The following MYRIP variants were observed in gnomAD, a reference collection of about 807,000 sequenced individuals.
MYRIP encodes the protein rab effector MyRIP.
In MYRIP, 49 loss-of-function variants were observed where a neutral mutation model predicts 98.0. That is an observed-to-expected ratio of 0.50 (90% CI 0.40 to 0.63). The LOEUF (loss-of-function observed/expected upper bound fraction) is 0.63, where lower values mean the gene tolerates loss of function less well. Ranked by LOEUF, MYRIP falls within the 30% of genes least tolerant of loss-of-function variation. MYRIP has a pLI of 0.00. For missense variants in MYRIP, 1,004 were observed against 1,058.2 expected (o/e 0.95, Z 0.71); for synonymous variants, 404 against 409.5 (o/e 0.99, Z 0.16).
chr3:40,030,266 G>A (rs1215768000), intron 2 of MYRIP, among the ~76,000 whole-genome samples: 2 of 152,070 alleles, frequency 1.3e-5, no homozygotes, highest in Non-Finnish European at 2.9e-5. Context: ...AGTCATTAGG[G>A]AAGTGCAAGT....
chr3:39,939,869 G>A (rs541600449), intron 2 of MYRIP, among the ~76,000 whole-genome samples: 1 of 152,248 alleles, frequency 6.6e-6, no homozygotes, highest in East Asian at 1.9e-4. Flanking sequence ...ATCTGTTCCA[G>A]AAGTAGAATT....
At chr3:40,230,026 G>A (rs1952605256) in intron 11 of MYRIP, among the ~76,000 whole-genome samples, 1 of 152,186 alleles carries the variant, frequency 6.6e-6, no homozygotes, top group South Asian at 2.1e-4. Flanking sequence ...AGAAGGTTGT[G>A]TTACATGGGT....
intron 3 of MYRIP, among the ~76,000 whole-genome samples, chr3:40,074,940 C>G (rs976313942): frequency 1.3e-5 from 2 of 152,150 alleles, no homozygotes; most frequent in East Asian, 3.9e-4. Flanking sequence ...ATTCAAAGAG[C>G]TAGTTTCCTC....
intron 7 of MYRIP, 62 bp from the exon 8 acceptor site, chr3:40,169,888 C>A (rs1469686208): frequency 6.2e-7 from 1 of 1,606,056 alleles, no homozygotes; most frequent in Non-Finnish European, 8.5e-7. Flanking sequence ...GTCCCAGTTA[C>A]TCCACATAGC....
chr3:39,884,806 A>AT (rs10662369), intron 1 of MYRIP, among the ~76,000 whole-genome samples: 43,083 of 136,940 alleles, frequency 0.31, 6,659 homozygotes, highest in Middle Eastern at 0.49. Flanking sequence ...TACAGTCATT[A>AT]TTATTTTTTT....
intron 1 of MYRIP, among the ~76,000 whole-genome samples, chr3:39,811,680 T>C (rs1282230132): frequency 6.6e-6 from 1 of 151,396 alleles, no homozygotes; most frequent in Non-Finnish European, 1.5e-5. Flanking sequence ...TGTGTGTGTG[T>C]GTTGTCTCTG....
At chr3:39,985,329 C>G (rs1430798158) in intron 2 of MYRIP, among the ~76,000 whole-genome samples, 1 of 131,676 alleles carries the variant, frequency 7.6e-6, no homozygotes, top group Non-Finnish European at 1.6e-5. Flanking sequence ...AATGGAAGAA[C>G]ATTCCATGCT....
intron 2 of MYRIP, among the ~76,000 whole-genome samples, chr3:39,904,185 C>T (rs1943819517): frequency 6.6e-6 from 1 of 152,056 alleles, no homozygotes; most frequent in African/African-American, 2.4e-5. Flanking sequence ...AGATCTTTTC[C>T]AAATTCTGCT....
intron 3 of MYRIP, among the ~76,000 whole-genome samples, chr3:40,091,297 A>G (rs1344315440): frequency 7.4e-6 from 1 of 134,454 alleles, no homozygotes; most frequent in Non-Finnish European, 1.6e-5. Flanking sequence ...TCACCTTAGT[A>G]AAACCTTTCC....
chr3:40,185,304 AT>A (rs1480111118), intron 9 of MYRIP, among the ~76,000 whole-genome samples: 1 of 152,106 alleles, frequency 6.6e-6, no homozygotes, highest in Non-Finnish European at 1.5e-5. Flanking sequence ...CCCCAAATGC[AT>A]TTTCACTTTA....
chr3:40,101,188 C>G (rs969908648), intron 3 of MYRIP, among the ~76,000 whole-genome samples: 7 of 152,152 alleles, frequency 4.6e-5, no homozygotes, highest in Non-Finnish European at 8.8e-5. Flanking sequence ...TACATATCCC[C>G]CTTTCCTCCA....
At chr3:40,127,743 C>T (rs550598246) in intron 3 of MYRIP, among the ~76,000 whole-genome samples, 19 of 152,324 alleles carry the variant, frequency 1.2e-4, no homozygotes, top group African/African-American at 4.3e-4. Context: ...GGTAGGAGAG[C>T]AGAAGGAAGA....
chr3:40,083,900 G>A (rs1948536827), intron 3 of MYRIP, among the ~76,000 whole-genome samples: 4 of 152,016 alleles, frequency 2.6e-5, no homozygotes, highest in South Asian at 4.2e-4. Flanking sequence ...CACTTTGTGA[G>A]GCCAAGGTGG....
At chr3:40,103,708 G>A (rs1362539270) in intron 3 of MYRIP, among the ~76,000 whole-genome samples, 2 of 152,226 alleles carry the variant, frequency 1.3e-5, no homozygotes, top group East Asian at 1.9e-4. Context: ...GCAGTGAGCC[G>A]AGATCGTGCC....
chr3:40,140,749 T>C (rs146608445), intron 3 of MYRIP, among the ~76,000 whole-genome samples: 104 of 152,260 alleles, frequency 6.8e-4, no homozygotes, highest in African/African-American at 2.5e-3. Flanking sequence ...TCGTTGGCCA[T>C]GTGTGTATGT....
At chr3:40,199,111 A>T (rs1272701517) in intron 10 of MYRIP, among the ~76,000 whole-genome samples, 1 of 152,196 alleles carries the variant, frequency 6.6e-6, no homozygotes, top group South Asian at 2.1e-4. Context: ...TCCTGAAGTC[A>T]TGGAAGCTCT....
At chr3:39,846,888 T>C (rs952804086) in intron 1 of MYRIP, among the ~76,000 whole-genome samples, 3 of 152,148 alleles carry the variant, frequency 2.0e-5, no homozygotes, top group South Asian at 2.1e-4. Context: ...GGCTAGCAGG[T>C]GGACACCCAG....
At chr3:40,019,901 G>A (rs1946953029) in intron 2 of MYRIP, among the ~76,000 whole-genome samples, 1 of 152,150 alleles carries the variant, frequency 6.6e-6, no homozygotes. Flanking sequence ...TAATATCTCT[G>A]CAAGATGATA....
intron 2 of MYRIP, among the ~76,000 whole-genome samples, chr3:40,020,308 T>TACTTA (rs76774725): frequency 0.36 from 55,072 of 151,870 alleles, 9,986 homozygotes; most frequent in Middle Eastern, 0.4. Flanking sequence ...TACCAATTAT[T>TACTTA]ACTTCTAGAT....
Sources: gnomAD v4.1 joint callset for allele counts (sites outside exome capture counted in the v4.1 genomes callset) on GRCh38, gnomAD v4.1.1 for gene constraint, MANE v1.5 for transcripts, NCBI Gene and HGNC (gene_info 2026-07-23, HGNC 2026-07-21) for gene names.